The following AUH variants were observed in gnomAD, a reference collection of about 807,000 sequenced individuals.
The protein encoded by AUH is AU RNA binding methylglutaconyl-CoA hydratase, also known as methylglutaconyl-CoA hydratase, mitochondrial.
AUH carries 29 observed loss-of-function variants against 42.3 expected under a neutral mutation model. The ratio of observed to expected loss-of-function variants is 0.69; its 90% CI spans 0.51 to 0.93. AUH has a LOEUF of 0.93. AUH is among the 40% of genes least tolerant of loss of function. The probability of loss-of-function intolerance (pLI) is 0.00; values close to 1 mark genes in which losing one functional copy is unlikely to be tolerated. For synonymous variants in AUH, 174 were observed against 166.4 expected (o/e 1.05, Z -0.35); for missense variants, 452 against 438.1 (o/e 1.03, Z -0.28).
intron 3 of AUH, among the ~76,000 whole-genome samples, chr9:91,338,796 T>G (rs1436172565): frequency 6.6e-6 from 1 of 152,210 alleles, no homozygotes; most frequent in Non-Finnish European, 1.5e-5. Context: ...CAAATAGGTA[T>G]AGCCTTAATT....
intron 6 of AUH, among the ~76,000 whole-genome samples, chr9:91,282,826 T>A (rs915025199): frequency 3.3e-5 from 5 of 152,106 alleles, no homozygotes; most frequent in Non-Finnish European, 7.4e-5. Context: ...ATTAATAGCC[T>A]ACCAACCAAA....
intron 6 of AUH, among the ~76,000 whole-genome samples, chr9:91,281,308 A>G (rs907491366): frequency 6.6e-6 from 1 of 151,910 alleles, no homozygotes; most frequent in African/African-American, 2.4e-5. Context: ...TCTGCAATTC[A>G]GTCCATCCAG....
chr9:91,252,949 G>C (rs1231154263), intron 6 of AUH, among the ~76,000 whole-genome samples: 1 of 151,892 alleles, frequency 6.6e-6, no homozygotes, highest in Non-Finnish European at 1.5e-5. Flanking sequence ...TGATTTTTTT[G>C]GTTGTCTTTT....
chr9:91,324,366 G>A (rs1829810630), intron 4 of AUH, among the ~76,000 whole-genome samples: 1 of 152,036 alleles, frequency 6.6e-6, no homozygotes, highest in South Asian at 2.1e-4. Context: ...AGCCAGGCCT[G>A]ATGGTTCACA....
At chr9:91,295,900 A>T in intron 6 of AUH, 121 bp downstream of exon 6, 1 of 1,141,652 alleles carries the variant, frequency 8.8e-7, no homozygotes, top group Admixed American at 1.8e-5. Context: ...CTAGGGATGC[A>T]AACAATATGC....
At chr9:91,309,663 G>A (rs1216830946) in intron 4 of AUH, among the ~76,000 whole-genome samples, 1 of 152,134 alleles carries the variant, frequency 6.6e-6, no homozygotes, top group African/African-American at 2.4e-5. Flanking sequence ...ACTCCACAGG[G>A]GAGGACAGTG....
Position 91,298,022 on chromosome 9 carries a change from C to A in AUH, c.560G>T (p.Gly187Val). Residue 187 changes from glycine to valine, a missense_variant, in exon 5 of 10, where the codon GGT (glycine) becomes GTT (valine). Gly to Val is a moderately radical substitution (Grantham distance 109, BLOSUM62 -3). Transcript: ENST00000375731. ...ATCACAGGCTAAAGCCAGTTCAAGA[C>A]CACCACCTAAAGCGAGTCCATCTAT... Reference protein sequence around the residue: ...AAIDGLALGGGLELALACDIR... With the variant: ...AAIDGLALGGVLELALACDIR... 1 of 1,613,946 alleles carries A rather than the reference C, an allele frequency of 6.2e-7. No homozygotes were observed. The highest frequency in any genetic ancestry group is 8.5e-7 in the Non-Finnish European group (1 of 1,179,840).
At chr9:91,238,814 G>A (rs1274930180) in intron 6 of AUH, among the ~76,000 whole-genome samples, 4 of 152,206 alleles carry the variant, frequency 2.6e-5, no homozygotes, top group Non-Finnish European at 5.9e-5. Context: ...AAGGCAAGAA[G>A]TAAAATGTTT....
chr9:91,269,299 G>T lies in AUH; in HGVS notation c.655+26722C>A, dbSNP rs560581390. Among the ~76,000 whole-genome samples, 5 of 152,326 alleles carry T rather than the reference G, an allele frequency of 3.3e-5. No individual in the cohort carries two copies. The East Asian group carries it at 7.7e-4, about 23-fold the overall frequency. The stretch of plus-strand genomic sequence containing the variant: ...AAGCCAGATAATTAATATTTTCTAA[G>T]CATCTAAGAAACCAGTCTTCATGAA... On this transcript the variant is annotated intron_variant, in intron 6 of 9. Coordinates refer to ENST00000375731, the MANE Select transcript of AUH (RefSeq NM_001698.3).
intron 6 of AUH, among the ~76,000 whole-genome samples, chr9:91,278,756 A>G (rs1213796624): frequency 6.6e-6 from 1 of 152,184 alleles, no homozygotes; most frequent in Non-Finnish European, 1.5e-5. Flanking sequence ...TTCCTACCTG[A>G]AAAACTCAAA....
At chr9:91,261,945 C>G (rs1368469530) in intron 6 of AUH, among the ~76,000 whole-genome samples, 1 of 152,132 alleles carries the variant, frequency 6.6e-6, no homozygotes, top group African/African-American at 2.4e-5. Context: ...AAGTTTTGAA[C>G]TGAGCCAAAT....
At chr9:91,269,481 C>T (rs966869302) in intron 6 of AUH, among the ~76,000 whole-genome samples, 2 of 152,140 alleles carry the variant, frequency 1.3e-5, no homozygotes, top group African/African-American at 2.4e-5. Flanking sequence ...TTAGTTCATA[C>T]TTAGATTGAA....
intron 6 of AUH, among the ~76,000 whole-genome samples, chr9:91,281,847 T>C (rs1471155011): frequency 6.6e-6 from 1 of 152,126 alleles, no homozygotes; most frequent in Non-Finnish European, 1.5e-5. Context: ...CCACTTCAAC[T>C]ACAGCAACAG....
chr9:91,240,038 T>TA (rs1490109182), intron 6 of AUH, among the ~76,000 whole-genome samples: 1 of 152,220 alleles, frequency 6.6e-6, no homozygotes, highest in African/African-American at 2.4e-5. Context: ...CACACACTGT[T>TA]AGAGAAACAT....
At chr9:91,254,418 G>C (rs1829301259) in intron 6 of AUH, among the ~76,000 whole-genome samples, 1 of 152,152 alleles carries the variant, frequency 6.6e-6, no homozygotes, top group South Asian at 2.1e-4. Context: ...AAAATAAAGT[G>C]TTCAATGCCA....
intron 7 of AUH, among the ~76,000 whole-genome samples, chr9:91,218,348 ACAC>A (rs913001575): frequency 2.0e-5 from 3 of 152,234 alleles, no homozygotes; most frequent in Non-Finnish European, 2.9e-5. Context: ...TATATCATAG[ACAC>A]CACCACCATT....
chr9:91,351,711 T>G (rs905602076), intron 3 of AUH, among the ~76,000 whole-genome samples: 1 of 152,258 alleles, frequency 6.6e-6, no homozygotes, highest in Middle Eastern at 3.4e-3. Context: ...TAGATTCTCA[T>G]AGGAGCACAA....
intron 4 of AUH, among the ~76,000 whole-genome samples, chr9:91,318,152 A>G (rs1376273054): frequency 8.5e-5 from 13 of 152,214 alleles, no homozygotes; most frequent in Non-Finnish European, 1.3e-4. Flanking sequence ...ATAAGATTGT[A>G]AGAATCTGTT....
At chr9:91,216,226 G>A in intron 8 of AUH, 120 bp from the exon 9 acceptor site, 1 of 988,930 alleles carries the variant, frequency 1.0e-6, no homozygotes. Flanking sequence ...ATATAGTACA[G>A]CAGATCAGAG....
Sources: gnomAD v4.1 joint callset for allele counts (sites outside exome capture counted in the v4.1 genomes callset) on GRCh38, gnomAD v4.1.1 for gene constraint, MANE v1.5 for transcripts, NCBI Gene and HGNC (gene_info 2026-07-23, HGNC 2026-07-21) for gene names.